Variants in ERLIN2 observed in about 807,000 individuals in gnomAD.
The protein encoded by ERLIN2 is erlin-2.
ERLIN2 carries 22 observed loss-of-function variants against 41.5 expected under a neutral mutation model. The ratio of observed to expected loss-of-function variants is 0.53; its 90% CI spans 0.38 to 0.76. ERLIN2 has a LOEUF of 0.76. Among genes scored for constraint, ERLIN2 ranks in the 30% least tolerant of loss-of-function variants. The probability of loss-of-function intolerance (pLI) is 0.00; values close to 1 mark genes in which losing one functional copy is unlikely to be tolerated. For synonymous variants in ERLIN2, 149 were observed against 150.9 expected (o/e 0.99, Z 0.09); for missense variants, 247 against 414.3 (o/e 0.60, Z 3.51).
intron 6 of ERLIN2, 110 bp downstream of exon 6, chr8:37,744,806 A>G (rs2129682019): frequency 8.4e-7 from 1 of 1,190,022 alleles, no homozygotes; most frequent in Admixed American, 1.8e-5. Flanking sequence ...TCACTTATGG[A>G]CAGGAAATGT....
Position 37,741,765 on chromosome 8 carries a change from T to C in ERLIN2, c.190-7T>C, listed in dbSNP as rs768949567. 1.9e-6 allele frequency: 3 copies of C among 1,612,386 alleles called. No individual in the cohort carries two copies. The South Asian group carries it at 3.3e-5, about 18-fold the overall frequency. ...CTTCTAGCACTTTATGTTTCCTCTG[T>C]TTCCAGACCACACTCCAGACAGATG... On this transcript the variant is annotated splice_region_variant and splice_polypyrimidine_tract_variant and intron_variant, in intron 3 of 11. Coordinates refer to ENST00000519638, the MANE Select transcript of ERLIN2 (RefSeq NM_007175.8). The surrounding 1 kb of genome is among the most constrained non-coding windows in gnomAD (Gnocchi z 4.8).
intron 6 of ERLIN2, chr8:37,745,833 G>C: frequency 7.4e-7 from 1 of 1,353,546 alleles, no homozygotes; most frequent in African/African-American, 1.5e-5. Context: ...TGGTAAATTT[G>C]CCGTTGATTT....
chr8:37,737,138 A>C, intron 1 of ERLIN2: 59 of 325,750 alleles, frequency 1.8e-4, no homozygotes, highest in Non-Finnish European at 2.5e-4. Context: ...GTTCCAGATC[A>C]TTCAGCGTTC....
chr8:37,748,072 G>A (rs1211033352), intron 6 of ERLIN2: 8 of 1,262,530 alleles, frequency 6.3e-6, no homozygotes, highest in South Asian at 1.2e-5. Context: ...CGTCACGAGC[G>A]CGCCTTGCGC....
intron 2 of ERLIN2, among the ~76,000 whole-genome samples, chr8:37,740,071 C>T (rs1277809850): frequency 6.6e-6 from 1 of 152,162 alleles, no homozygotes; most frequent in African/African-American, 2.4e-5. Context: ...ACCTCAGCCC[C>T]GCAAAGCGCT....
Position 37,754,577 on chromosome 8 carries a change from A to G in ERLIN2, c.*462A>G. ...GCAAATATGTGCCTGTGAGTTTGCC[A>G]GTAGAGCTGTGAAGAAACAGCTGCA... On this transcript the variant is annotated 3_prime_UTR_variant, in exon 12 of 12. Coordinates refer to ENST00000519638, the MANE Select transcript of ERLIN2 (RefSeq NM_007175.8). The G allele has an allele frequency of 4.4e-6, 1 of 227,052 alleles. No homozygotes were observed. The highest frequency in any genetic ancestry group is 1.0e-4 in the East Asian group (1 of 9,552). The allele number at this position is 227,052 out of a possible 1,614,324, so 14.1% of individuals were successfully genotyped here. A position where few individuals can be genotyped will look rare whatever the true frequency, so the allele number is the denominator to read the frequency against.
chr8:37,743,910 TTTA>T (rs1802945040), intron 4 of ERLIN2, among the ~76,000 whole-genome samples: 1 of 152,238 alleles, frequency 6.6e-6, no homozygotes, highest in East Asian at 1.9e-4. Context: ...TTGAAATCTT[TTTA>T]TAATAAATAT....
At chr8:37,753,037 A>G (rs1803260639) in intron 10 of ERLIN2, among the ~76,000 whole-genome samples, 1 of 152,208 alleles carries the variant, frequency 6.6e-6, no homozygotes, top group South Asian at 2.1e-4. Context: ...TATGTAGCAC[A>G]AGAGGGAGGA....
At chr8:37,750,627 G>A in intron 9 of ERLIN2, 141 bp downstream of exon 9, 1 of 737,708 alleles carries the variant, frequency 1.4e-6, no homozygotes, top group South Asian at 1.4e-5. Context: ...TGGACTCCCA[G>A]AAACAAAGTT....
chr8:37,742,173 CT>C (rs1802873393), intron 4 of ERLIN2, among the ~76,000 whole-genome samples: 1 of 151,878 alleles, frequency 6.6e-6, no homozygotes, highest in African/African-American at 2.4e-5. Flanking sequence ...GAAACCCCGT[CT>C]CTACTAAAAT....
intron 6 of ERLIN2, among the ~76,000 whole-genome samples, chr8:37,748,266 G>C (rs1803124557): frequency 6.6e-6 from 1 of 152,202 alleles, no homozygotes; most frequent in Non-Finnish European, 1.5e-5. Flanking sequence ...GAGGAATGAC[G>C]TTATTAACTT....
At chr8:37,745,116 C>T in intron 6 of ERLIN2, 1 of 526,276 alleles carries the variant, frequency 1.9e-6, no homozygotes, top group South Asian at 3.0e-5. Flanking sequence ...GAGCCAGATG[C>T]CAATTAGTAG....
intron 1 of ERLIN2, 145 bp downstream of exon 1, chr8:37,736,823 C>T (rs1203112102): frequency 2.0e-6 from 2 of 985,842 alleles, no homozygotes; most frequent in Non-Finnish European, 2.4e-6. Flanking sequence ...AAACCCTTTT[C>T]TGTCGCGTCC....
intron 1 of ERLIN2, 53 bp from the exon 2 acceptor site, chr8:37,737,855 G>T: frequency 6.2e-7 from 1 of 1,610,720 alleles, no homozygotes. Flanking sequence ...CGCTGTTGTG[G>T]CCTTTTCTCC....
At chr8:37,743,711 G>T (rs370576059) in intron 4 of ERLIN2, among the ~76,000 whole-genome samples, 1 of 152,080 alleles carries the variant, frequency 6.6e-6, no homozygotes, top group African/African-American at 2.4e-5. Flanking sequence ...GATACCATGA[G>T]TGTGTAGGAG....
chr8:37,752,637 G>A (rs1442447669), intron 10 of ERLIN2, among the ~76,000 whole-genome samples: 2 of 152,176 alleles, frequency 1.3e-5, no homozygotes, highest in Non-Finnish European at 2.9e-5. Flanking sequence ...CCCACCCACA[G>A]ACTAACCTTT....
chr8:37,751,811 C>G, intron 10 of ERLIN2, 96 bp downstream of exon 10: 1 of 895,662 alleles, frequency 1.1e-6, no homozygotes, highest in East Asian at 2.5e-5. Flanking sequence ...TAACTGTGCT[C>G]AAGGATGTCA....
rs1803327220 is a variant in ERLIN2, at chr8:37,755,211, C to T, written c.*1096C>T. 6.6e-6 allele frequency: 1 copy of T among 152,272 alleles called. No homozygotes were observed. The allele number at this position is 152,272 out of a possible 1,614,324, so 9.4% of individuals were successfully genotyped here. A position where few individuals can be genotyped will look rare whatever the true frequency, so the allele number is the denominator to read the frequency against. On this transcript the variant is annotated 3_prime_UTR_variant, in exon 12 of 12. Transcript: ENST00000519638. Reference sequence around the variant, plus strand: ...AGGCAGCAACGCAAGTCAGGCTGAACATTCAGTCTCCAGAGACAGCTGTGT... The same window carrying T: ...AGGCAGCAACGCAAGTCAGGCTGAATATTCAGTCTCCAGAGACAGCTGTGT...
At chr8:37,747,626 C>T (rs781023647) in intron 6 of ERLIN2, 1 of 1,611,588 alleles carries the variant, frequency 6.2e-7, no homozygotes, top group Non-Finnish European at 8.5e-7. Context: ...TTCGTTTTCC[C>T]AAAGCCCTGG....
Sources: gnomAD v4.1 joint callset for allele counts (sites outside exome capture counted in the v4.1 genomes callset) on GRCh38, gnomAD v4.1.1 for gene constraint, Gnocchi (gnomAD v3.1) non-coding constraint, MANE v1.5 for transcripts, NCBI Gene and HGNC (gene_info 2026-07-23, HGNC 2026-07-21) for gene names.